The following THSD1 variants were observed in gnomAD, a reference collection of about 807,000 sequenced individuals.
THSD1 encodes thrombospondin type-1 domain-containing protein 1.
In THSD1, 34 loss-of-function variants were observed where a neutral mutation model predicts 46.3. The observed-to-expected ratio is 0.74, with a 90% CI of 0.56 to 0.98. The LOEUF (loss-of-function observed/expected upper bound fraction) is 0.98. Among genes scored for constraint, THSD1 ranks in the 50% least tolerant of loss-of-function variants. THSD1 has a pLI of 0.00. For missense variants in THSD1, 1,023 were observed against 1,058.3 expected (o/e 0.97, Z 0.46); for synonymous variants, 407 against 416.5 (o/e 0.98, Z 0.28).
intron 3 of THSD1, among the ~76,000 whole-genome samples, chr13:52,394,922 G>A (rs1022868028): frequency 6.6e-6 from 1 of 152,162 alleles, no homozygotes; most frequent in Non-Finnish European, 1.5e-5. Context: ...AAAGAGGAAC[G>A]AAAAGATGCT....
intron 4 of THSD1, among the ~76,000 whole-genome samples, chr13:52,380,511 CTT>C (rs113333726): frequency 4.9e-5 from 7 of 142,870 alleles, no homozygotes; most frequent in Non-Finnish European, 9.3e-5. Context: ...GTTTCTTTTC[CTT>C]TTTTTTTTTT....
At chr13:52,393,983 G>A (rs1054929920) in intron 3 of THSD1, among the ~76,000 whole-genome samples, 1 of 152,078 alleles carries the variant, frequency 6.6e-6, no homozygotes, top group African/African-American at 2.4e-5. Flanking sequence ...CCCAGTTACT[G>A]CCCCCAGCCC....
chr13:52,377,542 C>A lies in THSD1; in HGVS notation c.2428G>T (p.Ala810Ser), dbSNP rs747821127. Residue 810 changes from alanine (A) to serine (S), a missense_variant, in exon 5 of 5, where the codon GCC becomes TCC. Ala to Ser is a moderately conservative substitution (Grantham distance 99). This residue lies in a region of THSD1 where 578 missense variants were observed against 497.4 expected (regional missense o/e 1.16). Transcript: ENST00000258613. ...CCAAACGACGTATTGTCATAGAAGG[C>A]AAACTCAGGGTGAGTGGGGAAGCTT... is the stretch of plus-strand genomic sequence containing the variant. Reference protein sequence around the residue: ...CQSFPTHPEFAFYDNTSFGLT... With the variant: ...CQSFPTHPEFSFYDNTSFGLT... The A allele has an allele frequency of 6.2e-7, 1 of 1,601,322 alleles. No homozygotes were observed. The highest frequency in any genetic ancestry group is 8.6e-7 in the Non-Finnish European group (1 of 1,169,390).
chr13:52,405,249 C>T (rs1034128822), intron 1 of THSD1, among the ~76,000 whole-genome samples: 5 of 152,180 alleles, frequency 3.3e-5, no homozygotes, highest in Non-Finnish European at 7.3e-5. Flanking sequence ...CCTGAGACCC[C>T]ATGTTTTTGC....
At chr13:52,390,024 C>T (rs1957761634) in intron 3 of THSD1, among the ~76,000 whole-genome samples, 1 of 151,690 alleles carries the variant, frequency 6.6e-6, no homozygotes, top group Non-Finnish European at 1.5e-5. Context: ...CCTGTAGTAC[C>T]AGCTACTCGG....
intron 3 of THSD1, among the ~76,000 whole-genome samples, chr13:52,395,989 C>T (rs748190319): frequency 7.9e-5 from 12 of 152,000 alleles, no homozygotes; most frequent in Non-Finnish European, 1.6e-4. Context: ...TCCTGGCAGG[C>T]GTATCAAAAG....
intron 4 of THSD1, among the ~76,000 whole-genome samples, chr13:52,383,617 G>A (rs1957708563): frequency 6.6e-6 from 1 of 152,128 alleles, no homozygotes; most frequent in South Asian, 2.1e-4. Context: ...AATCACAGCT[G>A]GAGAAAAGCC....
intron 2 of THSD1, among the ~76,000 whole-genome samples, chr13:52,402,207 C>A (rs1390437216): frequency 2.0e-5 from 3 of 152,208 alleles, no homozygotes; most frequent in African/African-American, 7.2e-5. Context: ...TACACAACAT[C>A]ATTGCATGTG....
At chr13:52,389,746 A>G (rs778692420) in intron 3 of THSD1, among the ~76,000 whole-genome samples, 87 of 152,274 alleles carry the variant, frequency 5.7e-4, no homozygotes, top group Non-Finnish European at 9.3e-4. Flanking sequence ...CAAAATACAC[A>G]CAAAACTCTC....
chr13:52,379,487 T>C (rs1443869060), intron 4 of THSD1, among the ~76,000 whole-genome samples: 11 of 152,068 alleles, frequency 7.2e-5, no homozygotes, highest in Non-Finnish European at 1.5e-4. Flanking sequence ...TTTTTTTTGT[T>C]TTGAGACGGA....
At position 52,397,740 on chromosome 13, in the gene THSD1, G is replaced by A. The variant is rs1957822632; in HGVS notation, c.513C>T (p.Phe171=). The change falls in exon 3 of 5, where the codon TTC becomes TTT. Residue 171 remains phenylalanine, a synonymous_variant. Coordinates refer to ENST00000258613, the MANE Select transcript of THSD1 (RefSeq NM_018676.4). ...DKPNIVVDVI[F]TNSLPEARRN... is the part of the protein sequence containing the mutation. ...TTCTTGCCTCAGGAAGACTGTTGGTGAAGATGACATCCACTACGATGTTGG... is the reference window on the plus strand; with the variant it reads ...TTCTTGCCTCAGGAAGACTGTTGGTAAAGATGACATCCACTACGATGTTGG... The A allele has an allele frequency of 1.2e-6, 2 of 1,614,214 alleles. No individual in the cohort carries two copies. Among genetic ancestry groups the A allele is most frequent in the Non-Finnish European group, 1.7e-6 (2 of 1,180,048 alleles).
chr13:52,397,418 G>A lies in THSD1; in HGVS notation c.835C>T (p.Pro279Ser). The part of the protein sequence containing the change: ...QGVVTVFKEA[P>S]RYPGKRTIHL... Reference sequence around the variant, plus strand: ...ATGGTCCTCTTCCCAGGGTATCTGGGGGCCTCCTTGAAGACAGTGACCACT... The same window carrying A: ...ATGGTCCTCTTCCCAGGGTATCTGGAGGCCTCCTTGAAGACAGTGACCACT... The change falls in exon 3 of 5, where the codon CCC becomes TCC. Residue 279 changes from proline to serine, a missense_variant. By Grantham distance (74) the Pro-to-Ser change is moderately conservative. Around this residue, in one of 3 missense-constraint regions of THSD1, gnomAD observed 429 missense variants for 518.3 expected, o/e 0.83. Coordinates refer to ENST00000258613, the MANE Select transcript of THSD1 (RefSeq NM_018676.4). The A allele has an allele frequency of 6.2e-7, 1 of 1,614,042 alleles. No individual in the cohort carries two copies. Among genetic ancestry groups the A allele is most frequent in the Non-Finnish European group, 8.5e-7 (1 of 1,180,024 alleles).
intron 4 of THSD1, among the ~76,000 whole-genome samples, chr13:52,380,571 C>T (rs1191590529): frequency 2.0e-5 from 3 of 151,376 alleles, no homozygotes; most frequent in Non-Finnish European, 4.4e-5. Flanking sequence ...CTCAGCCTTC[C>T]GAGTAGCTGG....
intron 4 of THSD1, among the ~76,000 whole-genome samples, chr13:52,382,494 C>T (rs940300519): frequency 6.6e-6 from 1 of 152,208 alleles, no homozygotes. Flanking sequence ...ACCTTCAAGG[C>T]CCCTCAGGAT....
intron 4 of THSD1, chr13:52,384,184 CAAA>C (rs754288122): frequency 0.02 from 3,202 of 160,402 alleles, no homozygotes; most frequent in Middle Eastern, 0.033. Flanking sequence ...AACTCCGTCT[CAAA>C]AAAAAAAAAA....
chr13:52,404,715 T>C (rs765843329), intron 1 of THSD1, among the ~76,000 whole-genome samples: 11 of 152,344 alleles, frequency 7.2e-5, no homozygotes, highest in Non-Finnish European at 1.5e-4. Flanking sequence ...TGAGACCTGG[T>C]AACCAAACTA....
Position 52,386,045 on chromosome 13 carries a change from G to A in THSD1, c.1163C>T (p.Ser388Phe). 1 of 1,613,934 alleles carries A rather than the reference G, an allele frequency of 6.2e-7. No individual in the cohort carries two copies. The highest frequency in any genetic ancestry group is 1.3e-5 in the African/African-American group (1 of 75,014). ...PGMSLEASLC[S>F]LEECAAFQPS... ...ATACCTACCAGCACACTCCTCCAGGGAACACAGGGAGGCCTCCAAGGACAT... is the reference window on the plus strand; with the variant it reads ...ATACCTACCAGCACACTCCTCCAGGAAACACAGGGAGGCCTCCAAGGACAT... Residue 388 changes from serine to phenylalanine, a missense_variant, in exon 4 of 5, where the codon TCC becomes TTC. Ser to Phe is a radical substitution (Grantham distance 155). Around this residue, in one of 3 missense-constraint regions of THSD1, gnomAD observed 429 missense variants for 518.3 expected, o/e 0.83. Transcript: ENST00000258613.
At chr13:52,381,090 TTAC>T (rs923295231) in intron 4 of THSD1, among the ~76,000 whole-genome samples, 2 of 152,184 alleles carry the variant, frequency 1.3e-5, no homozygotes, top group African/African-American at 4.8e-5. Flanking sequence ...TCACTCACTA[TTAC>T]TACATTAAGA....
Position 52,397,324 on chromosome 13 carries a change from A to C in THSD1, c.929T>G (p.Met310Arg). The C allele has an allele frequency of 6.2e-7, 1 of 1,614,092 alleles. No individual in the cohort carries two copies. The change falls in exon 3 of 5, where the codon ATG becomes AGG. Residue 310 changes from methionine to arginine, a missense_variant. Around this residue, in one of 3 missense-constraint regions of THSD1, gnomAD observed 429 missense variants for 518.3 expected, o/e 0.83. Transcript: ENST00000258613. Reference protein sequence around the residue: ...RTIFNCTLFDMGKNKYCFDFG... With the variant: ...RTIFNCTLFDRGKNKYCFDFG... ...GTCAAAGCAGTACTTATTCTTCCCC[A>C]TGTCAAACAAAGTACAGTTAAAAAT... is the stretch of plus-strand genomic sequence containing the variant.
Sources: gnomAD v4.1 joint callset for allele counts (sites outside exome capture counted in the v4.1 genomes callset) on GRCh38, gnomAD v4.1.1 for gene constraint, gnomAD v4.1.1 regional missense constraint, MANE v1.5 for transcripts, NCBI Gene and HGNC (gene_info 2026-07-23, HGNC 2026-07-21) for gene names.